The following PPEF2 variants were observed in gnomAD, a reference collection of about 807,000 sequenced individuals.
PPEF2 encodes serine/threonine-protein phosphatase with EF-hands 2.
PPEF2 carries 84 observed loss-of-function variants against 84.7 expected under a neutral mutation model. The observed-to-expected ratio is 0.99, with a 90% CI of 0.83 to 1.19. The LOEUF (loss-of-function observed/expected upper bound fraction) is 1.19. PPEF2 is among the 50% of genes most tolerant of loss of function. The pLI, the probability that PPEF2 is intolerant of heterozygous loss-of-function variation, is 0.00. For missense variants in PPEF2, 924 were observed against 937.5 expected (o/e 0.99, Z 0.19); for synonymous variants, 346 against 345.2 (o/e 1.00, Z -0.03).
At chr4:75,886,800 C>T (rs1365825052) in intron 7 of PPEF2, 52 bp downstream of exon 7, 4 of 1,070,834 alleles carry the variant, frequency 3.7e-6, no homozygotes, top group Non-Finnish European at 5.5e-6. Context: ...TGAATTTGAG[C>T]TTCTAAATTA....
intron 16 of PPEF2, among the ~76,000 whole-genome samples, chr4:75,863,389 A>C (rs1724052309): frequency 6.6e-6 from 1 of 151,168 alleles, no homozygotes; most frequent in Non-Finnish European, 1.5e-5. Flanking sequence ...AGTCCTAGCT[A>C]CTCAGGAGGC....
At chr4:75,865,227 G>A (rs145431222) in intron 15 of PPEF2, among the ~76,000 whole-genome samples, 42 of 152,188 alleles carry the variant, frequency 2.8e-4, no homozygotes, top group African/African-American at 6.7e-4. Context: ...ATGAGCCACC[G>A]CGCCTGGTTG....
intron 4 of PPEF2, 62 bp downstream of exon 4, chr4:75,891,586 C>A: frequency 6.6e-7 from 1 of 1,518,564 alleles, no homozygotes; most frequent in East Asian, 2.3e-5. Flanking sequence ...GCATCCCCCA[C>A]CTCACCGTGT....
At chr4:75,901,103 A>G (rs1725111815) in intron 1 of PPEF2, among the ~76,000 whole-genome samples, 3 of 152,360 alleles carry the variant, frequency 2.0e-5, no homozygotes, top group South Asian at 4.1e-4. Context: ...ATATTTTTCT[A>G]AAATTTTTAC....
rs1724405067 is a variant in PPEF2 at position 75,876,292 on chromosome 4, T to C, written c.1315A>G (p.Arg439Gly). The change falls in exon 11 of 17, where the codon AGG (arginine) becomes GGG (glycine). Residue 439 changes from arginine (R) to glycine (G), a missense_variant. Transcript: ENST00000286719. ...ELRKPTQEEW[R>G]QVVDILWSDP... ...CAGCGCCTGGCCACGCTCACCTGCC[T>C]CCACTCCTCCTGAGTGGGCTTCCGC... 1 of 1,600,916 alleles carries C rather than the reference T, an allele frequency of 6.2e-7. No homozygotes were observed. The highest frequency in any genetic ancestry group is 8.5e-7 in the Non-Finnish European group (1 of 1,172,840).
chr4:75,862,057 G>A (rs1352242768), intron 16 of PPEF2, among the ~76,000 whole-genome samples: 1 of 151,652 alleles, frequency 6.6e-6, no homozygotes, highest in Non-Finnish European at 1.5e-5. Context: ...CACTTTGGGA[G>A]GCAGAGGTGG....
Position 75,860,799 on chromosome 4 carries a change from G to T in PPEF2, c.2130C>A (p.Gly710=), listed in dbSNP as rs754076408. Residue 710 remains glycine (G), a synonymous_variant, in exon 17 of 17, where the codon GGC becomes GGA. Coordinates refer to ENST00000286719, the MANE Select transcript of PPEF2 (RefSeq NM_006239.3). The part of the protein sequence containing the change: ...LARSIDFNKD[G]HIDINEFLEA... ...CCAGGAACTCATTGATATCAATGTGGCCATCTTTGTTGAAATCAATGCTCC... is the reference window on the plus strand; with the variant it reads ...CCAGGAACTCATTGATATCAATGTGTCCATCTTTGTTGAAATCAATGCTCC... 5 of 1,614,212 alleles carry T rather than the reference G, an allele frequency of 3.1e-6. No homozygotes were observed. In the East Asian group the frequency reaches 1.1e-4, roughly 36 times the overall value.
intron 10 of PPEF2, among the ~76,000 whole-genome samples, chr4:75,880,609 C>T (rs1163198644): frequency 1.3e-5 from 2 of 152,126 alleles, no homozygotes; most frequent in Admixed American, 6.6e-5. Context: ...CTGTCTCTGC[C>T]TCCAGACATA....
chr4:75,877,631 A>C (rs2149219401), intron 10 of PPEF2, among the ~76,000 whole-genome samples: 1 of 151,630 alleles, frequency 6.6e-6, no homozygotes, highest in Middle Eastern at 3.4e-3. Flanking sequence ...AGTCAAGCAC[A>C]TGATCAGTGG....
chr4:75,868,959 T>A (rs1211275209), intron 13 of PPEF2, among the ~76,000 whole-genome samples: 1 of 152,012 alleles, frequency 6.6e-6, no homozygotes, highest in Non-Finnish European at 1.5e-5. Context: ...CAGTAAGCTA[T>A]CTATGATCAT....
intron 16 of PPEF2, among the ~76,000 whole-genome samples, chr4:75,863,581 T>A (rs920092116): frequency 6.6e-6 from 1 of 151,972 alleles, no homozygotes; most frequent in African/African-American, 2.4e-5. Flanking sequence ...AACCACTAAG[T>A]TGCATACTTC....
chr4:75,870,878 C>CATTTATTTAGTT, intron 13 of PPEF2, among the ~76,000 whole-genome samples: 1 of 146,668 alleles, frequency 6.8e-6, no homozygotes, highest in East Asian at 2.0e-4. Context: ...CAAAAGCTAC[C>CATTTATTTAGTT]ATTTATTTAT....
Position 75,899,145 on chromosome 4 carries a change from A to G in PPEF2, c.-58-2762T>C, listed in dbSNP as rs371442162. Among the ~76,000 whole-genome samples the G allele has an allele frequency of 2.2e-4, 33 of 152,276 alleles. No individual in the cohort carries two copies. The East Asian group carries it at 6.2e-3, about 28-fold the overall frequency. On this transcript the variant is annotated intron_variant, in intron 1 of 16. Coordinates refer to ENST00000286719, the MANE Select transcript of PPEF2 (RefSeq NM_006239.3). Reference sequence around the variant, plus strand: ...CTGTGCCTGGCTTATTTCACTTAACATAATGTCCTCCAGGTTCACCCATAT... The same window carrying G: ...CTGTGCCTGGCTTATTTCACTTAACGTAATGTCCTCCAGGTTCACCCATAT...
chr4:75,893,485 C>A (rs1172561997), intron 2 of PPEF2, among the ~76,000 whole-genome samples: 3 of 89,778 alleles, frequency 3.3e-5, no homozygotes, highest in African/African-American at 1.4e-4. Context: ...GCTAGAGACT[C>A]TGACACACAC....
chr4:75,899,407 A>G (rs1204786745), intron 1 of PPEF2, among the ~76,000 whole-genome samples: 1 of 152,100 alleles, frequency 6.6e-6, no homozygotes, highest in Non-Finnish European at 1.5e-5. Context: ...TCATTATGCC[A>G]TATTTCTTTT....
chr4:75,875,196 C>T (rs752719133), intron 11 of PPEF2, among the ~76,000 whole-genome samples: 21 of 152,250 alleles, frequency 1.4e-4, no homozygotes, highest in East Asian at 5.8e-4. Context: ...TGAGCCACTG[C>T]GCCCGGCTGA....
intron 4 of PPEF2, among the ~76,000 whole-genome samples, chr4:75,891,273 G>A (rs1228040084): frequency 1.3e-5 from 2 of 152,084 alleles, no homozygotes; most frequent in Admixed American, 6.5e-5. Flanking sequence ...GACTCCTGGA[G>A]TTGACACAGA....
At chr4:75,863,475 G>C (rs1030898700) in intron 16 of PPEF2, among the ~76,000 whole-genome samples, 3 of 143,806 alleles carry the variant, frequency 2.1e-5, no homozygotes, top group African/African-American at 7.8e-5. Flanking sequence ...ACTCCAGCTT[G>C]GGTGACAGAG....
chr4:75,885,736 C>T (rs995470673), intron 7 of PPEF2, among the ~76,000 whole-genome samples: 8 of 152,010 alleles, frequency 5.3e-5, no homozygotes, highest in African/African-American at 1.2e-4. Flanking sequence ...GTAGGCCAGG[C>T]GCGGTGGCTC....
Sources: gnomAD v4.1 joint callset for allele counts (sites outside exome capture counted in the v4.1 genomes callset) on GRCh38, gnomAD v4.1.1 for gene constraint, MANE v1.5 for transcripts, NCBI Gene and HGNC (gene_info 2026-07-23, HGNC 2026-07-21) for gene names.